CEP78: variants seen among roughly 807,000 people sequenced by gnomAD.
The protein encoded by CEP78 is centrosomal protein 78.
In CEP78, 76 loss-of-function variants were observed where a neutral mutation model predicts 81.2. The observed-to-expected ratio is 0.94, with a 90% CI of 0.78 to 1.13. CEP78 has a LOEUF of 1.13. CEP78 is among the 50% of genes most tolerant of loss of function. The probability of loss-of-function intolerance (pLI) is 0.00; values close to 1 mark genes in which losing one functional copy is unlikely to be tolerated. For synonymous variants in CEP78, 293 were observed against 301.4 expected (o/e 0.97, Z 0.29); for missense variants, 918 against 846.8 (o/e 1.08, Z -1.04).
rs1827694068 is a variant in CEP78 at position 78,271,762 on chromosome 9, G to A, written c.*911G>A. 6.6e-6 allele frequency: 1 copy of A among 151,204 alleles called. No homozygotes were observed. The highest frequency in any genetic ancestry group is 2.4e-5 in the African/African-American group (1 of 41,140). The allele number at this position is 151,204 out of a possible 1,614,324, so 9.4% of individuals were successfully genotyped here. A position where few individuals can be genotyped will look rare whatever the true frequency, so the allele number is the denominator to read the frequency against. On this transcript the variant is annotated 3_prime_UTR_variant, in exon 17 of 17. Transcript: ENST00000643273. ...GTCACCCAGGCTGGGGTGTAGTGAT[G>A]GGATCACAGCTTATTGTAACCATGA... is the stretch of plus-strand genomic sequence containing the variant.
chr9:78,246,210 T>C (rs954541700), intron 5 of CEP78, among the ~76,000 whole-genome samples: 1 of 152,056 alleles, frequency 6.6e-6, no homozygotes, highest in African/African-American at 2.4e-5. Context: ...TTTCTATTTT[T>C]ATTTTTTCAA....
intron 11 of CEP78, among the ~76,000 whole-genome samples, chr9:78,255,767 CTTT>C (rs942586538): frequency 1.6e-4 from 25 of 152,104 alleles, no homozygotes; most frequent in African/African-American, 6.0e-4. Flanking sequence ...AAATGAGCAC[CTTT>C]TGTTTGTAGC....
At position 78,241,741 on chromosome 9, in the gene CEP78, A is replaced by G. The variant is rs772928824; in HGVS notation, c.545A>G (p.Asn182Ser). 2.4e-5 allele frequency: 39 copies of G among 1,610,896 alleles called. No homozygotes were observed. Among genetic ancestry groups the G allele is most frequent in the South Asian group, 3.3e-5 (3 of 90,882 alleles). ...IKSSITLKTV[N>S]FTGCNLTWQG... ...AGCTCTATCACTCTTAAGACAGTCAACTTCACAGGATGTAATCTGACATGG... is the reference window on the plus strand; with the variant it reads ...AGCTCTATCACTCTTAAGACAGTCAGCTTCACAGGATGTAATCTGACATGG... Residue 182 changes from asparagine to serine, a missense_variant, in exon 4 of 17, where the codon AAC becomes AGC. Coordinates refer to ENST00000643273, the MANE Select transcript of CEP78 (RefSeq NM_001330691.3).
At chr9:78,265,604 AAGTC>A (rs1264081553) in intron 14 of CEP78, 61 bp downstream of exon 14, 2 of 1,421,466 alleles carry the variant, frequency 1.4e-6, no homozygotes, top group African/African-American at 2.9e-5. Context: ...GGGAATTACT[AAGTC>A]AGAGAGAAAA....
intron 9 of CEP78, among the ~76,000 whole-genome samples, chr9:78,252,879 C>T (rs1418155586): frequency 6.6e-6 from 1 of 152,184 alleles, no homozygotes; most frequent in Admixed American, 6.5e-5. Context: ...TTAATAACTT[C>T]ACAGTTTCAT....
intron 5 of CEP78, among the ~76,000 whole-genome samples, chr9:78,246,338 G>A (rs984275293): frequency 6.6e-6 from 1 of 152,160 alleles, no homozygotes; most frequent in Non-Finnish European, 1.5e-5. Flanking sequence ...GGTGGCTCAC[G>A]CCTGTAATCC....
At chr9:78,254,986 G>C (rs752217461) in intron 11 of CEP78, 22 bp downstream of exon 11, 1 of 1,591,728 alleles carries the variant, frequency 6.3e-7, no homozygotes, top group Non-Finnish European at 8.6e-7. Flanking sequence ...TCACTTTAAA[G>C]ATATGGAGAA....
chr9:78,244,106 G>A (rs1194072109), intron 5 of CEP78, among the ~76,000 whole-genome samples: 1 of 137,392 alleles, frequency 7.3e-6, no homozygotes, highest in Non-Finnish European at 1.6e-5. Flanking sequence ...AACTCCTTAT[G>A]TATACATCTC....
rs1244470267 is a variant in CEP78, at chr9:78,277,441, C to G, written c.*6590C>G. ...GCACCTACAAACAACAAAAATTGGA[C>G]AAAGGCTATAAAAATATTTTATAAA... On this transcript the variant is annotated 3_prime_UTR_variant, in exon 17 of 17. Coordinates refer to ENST00000643273, the MANE Select transcript of CEP78 (RefSeq NM_001330691.3). 1 of 151,972 alleles carries G rather than the reference C, an allele frequency of 6.6e-6. No individual in the cohort carries two copies. Among genetic ancestry groups the G allele is most frequent in the East Asian group, 1.9e-4 (1 of 5,188 alleles). The allele number at this position is 151,972 out of a possible 1,614,324, so 9.4% of individuals were successfully genotyped here.
Position 78,274,607 on chromosome 9 carries a change from C to T in CEP78, c.*3756C>T, listed in dbSNP as rs143060102. The T allele has an allele frequency of 6.6e-6, 1 of 151,918 alleles. No individual in the cohort carries two copies. The highest frequency in any genetic ancestry group is 2.1e-4 in the South Asian group (1 of 4,822). The allele number at this position is 151,918 out of a possible 1,614,324, so 9.4% of individuals were successfully genotyped here. A position where few individuals can be genotyped will look rare whatever the true frequency, so the allele number is the denominator to read the frequency against. On this transcript the variant is annotated 3_prime_UTR_variant, in exon 17 of 17. Transcript: ENST00000643273. ...ATACAAAGTATATTCTCCTGGAAAA[C>T]CAATAGAACATTCATATAAATGATT...
chr9:78,237,371 T>A (rs1330753360), intron 1 of CEP78, among the ~76,000 whole-genome samples: 1 of 152,136 alleles, frequency 6.6e-6, no homozygotes, highest in African/African-American at 2.4e-5. Context: ...TAATTAGGGA[T>A]CCAGACTCTC....
At chr9:78,246,595 G>A (rs546529998) in intron 5 of CEP78, 74 bp from the exon 6 acceptor site, 43 of 922,186 alleles carry the variant, frequency 4.7e-5, no homozygotes, top group Non-Finnish European at 5.8e-5. Context: ...GTGAGACTCC[G>A]TCTCAAAAAA....
intron 1 of CEP78, among the ~76,000 whole-genome samples, chr9:78,237,883 G>A (rs1044615493): frequency 4.3e-4 from 64 of 150,556 alleles, no homozygotes; most frequent in African/African-American, 1.5e-3. Flanking sequence ...GCGGGGGGGT[G>A]TGGATCACCT....
Position 78,236,363 on chromosome 9 carries a change from G to T in CEP78, c.13G>T (p.Val5Leu). 6.3e-7 allele frequency: 1 copy of T among 1,579,690 alleles called. No individual in the cohort carries two copies. Among genetic ancestry groups the T allele is most frequent in the Non-Finnish European group, 8.6e-7 (1 of 1,166,590 alleles). ...CCGCCCTCGGGCCATGATCGACTCC[G>T]TGAAGCTGCGCCGCGACAGCGCGGC... Reference protein sequence around the residue: MIDSVKLRRDSAADF... With the variant: MIDSLKLRRDSAADF... Residue 5 changes from valine (V) to leucine (L), a missense_variant, in exon 1 of 17, where the codon GTG becomes TTG. Physicochemically the swap from Val to Leu is conservative, Grantham distance 32. Transcript: ENST00000643273.
chr9:78,239,057 A>G (rs1218603369), intron 1 of CEP78, among the ~76,000 whole-genome samples: 2 of 151,824 alleles, frequency 1.3e-5, no homozygotes, highest in Non-Finnish European at 2.9e-5. Context: ...GGGACCTCAG[A>G]GTCAAGGCTA....
chr9:78,265,394 G>T lies in CEP78; in HGVS notation c.1648G>T (p.Ala550Ser). ...CAGGCTTGGGCAGCTTGCCACAATGGCTGGGATAGATCAGTCAGATTTTCA... is the reference window on the plus strand; with the variant it reads ...CAGGCTTGGGCAGCTTGCCACAATGTCTGGGATAGATCAGTCAGATTTTCA... ...DAGLGQLATM[A>S]GIDQSDFQLL... Residue 550 changes from alanine (A) to serine (S), a missense_variant, in exon 14 of 17, where the codon GCT becomes TCT. Ala to Ser is a moderately conservative substitution (Grantham distance 99). Coordinates refer to ENST00000643273, the MANE Select transcript of CEP78 (RefSeq NM_001330691.3). 6.2e-7 allele frequency: 1 copy of T among 1,605,256 alleles called. No individual in the cohort carries two copies. Among genetic ancestry groups the T allele is most frequent in the Non-Finnish European group, 8.5e-7 (1 of 1,176,648 alleles).
intron 16 of CEP78, among the ~76,000 whole-genome samples, chr9:78,268,899 A>G (rs1827630905): frequency 6.6e-6 from 1 of 151,742 alleles, no homozygotes; most frequent in Non-Finnish European, 1.5e-5. Flanking sequence ...CTCGTGATCC[A>G]CCCACCTTGG....
At chr9:78,238,308 G>C (rs536490569) in intron 1 of CEP78, among the ~76,000 whole-genome samples, 2 of 152,118 alleles carry the variant, frequency 1.3e-5, no homozygotes, top group African/African-American at 2.4e-5. Flanking sequence ...GGGGTGGGAG[G>C]AGGATCTCAG....
intron 16 of CEP78, 37 bp downstream of exon 16, chr9:78,266,740 CTGGAA>C: frequency 3.1e-6 from 5 of 1,608,652 alleles, no homozygotes; most frequent in Non-Finnish European, 4.2e-6. Flanking sequence ...AAGCAACACC[CTGGAA>C]AGGACCTGCA....
Sources: gnomAD v4.1 joint callset for allele counts (sites outside exome capture counted in the v4.1 genomes callset) on GRCh38, gnomAD v4.1.1 for gene constraint, MANE v1.5 for transcripts, NCBI Gene and HGNC (gene_info 2026-07-23, HGNC 2026-07-21) for gene names.